CABYR: variants seen among roughly 807,000 people sequenced by gnomAD.
CABYR encodes the protein calcium binding tyrosine phosphorylation regulated.
CABYR carries 31 observed loss-of-function variants against 36.1 expected under a neutral mutation model. That is an observed-to-expected ratio of 0.86 (90% CI 0.64 to 1.16). CABYR has a LOEUF of 1.16. CABYR is among the 50% of genes most tolerant of loss of function. CABYR has a pLI of 0.00. For synonymous variants in CABYR, 146 were observed against 160.7 expected, an observed-to-expected ratio of 0.91 and a Z score of 0.69; for missense variants, 429 against 455.8, an observed-to-expected ratio of 0.94 and a Z score of 0.53.
chr18:24,143,413 G>T lies in CABYR; in HGVS notation c.199G>T (p.Val67Leu). The stretch of plus-strand genomic sequence containing the variant: ...GGTTAAACAATTTCATCAGATTAAA[G>T]GTAAGTACCACAAGTAGTAATAGTT... ...DLVKQFHQIK[V>L]EKWSEGTTPQ... The change falls in exon 3 of 6, where the codon GTA (valine) becomes TTA (leucine). Residue 67 changes from valine to leucine, a missense_variant and splice_region_variant. Coordinates refer to ENST00000399496, the MANE Select transcript of CABYR (RefSeq NM_153769.3). 6.6e-7 allele frequency: 1 copy of T among 1,510,190 alleles called. No individual in the cohort carries two copies. The highest frequency in any genetic ancestry group is 1.2e-5 in the South Asian group (1 of 84,766). The allele number at this position is 1,510,190 out of a possible 1,614,324, so 93.5% of individuals were successfully genotyped here.
chr18:24,143,458 A>G, intron 3 of CABYR, 45 bp downstream of exon 3: 1 of 1,118,652 alleles, frequency 8.9e-7, no homozygotes, highest in Non-Finnish European at 1.3e-6. Flanking sequence ...ATGTTTATTA[A>G]TTATTGCATC....
intron 4 of CABYR, among the ~76,000 whole-genome samples, chr18:24,158,156 G>A (rs2085843614): frequency 6.6e-6 from 1 of 152,100 alleles, no homozygotes; most frequent in Non-Finnish European, 1.5e-5. Flanking sequence ...ACAACACTAA[G>A]AGGATACTAA....
At chr18:24,150,491 C>A in intron 3 of CABYR, 1 of 546,720 alleles carries the variant, frequency 1.8e-6, no homozygotes, top group Non-Finnish European at 2.3e-6. Context: ...CTGCCTGTAT[C>A]CTTAATCAGA....
chr18:24,154,520 T>A (rs1015378498), intron 3 of CABYR, among the ~76,000 whole-genome samples: 2 of 152,252 alleles, frequency 1.3e-5, no homozygotes, highest in Admixed American at 1.3e-4. Context: ...TAATTGAATT[T>A]ATAAAACATC....
In CABYR at chr18:24,155,936, C is replaced by T. The variant is rs1381832652; in HGVS notation, c.435C>T (p.Ala145=). The T allele has an allele frequency of 1.2e-6, 2 of 1,614,036 alleles. No homozygotes were observed. Among genetic ancestry groups the T allele is most frequent in the African/African-American group, 1.3e-5 (1 of 74,926 alleles). The change falls in exon 4 of 6, where the codon GCC becomes GCT. Residue 145 remains alanine (A), a synonymous_variant. Coordinates refer to ENST00000399496, the MANE Select transcript of CABYR (RefSeq NM_153769.3). ...TTGGTGGTCTTTCTTCCAAACCAGC[C>T]ACCCCTAAGACTACTACCCCACCCT... The part of the protein sequence containing the change: ...EAVGGLSSKP[A]TPKTTTPPSS...
At chr18:24,147,487 A>T (rs72881782) in intron 3 of CABYR, among the ~76,000 whole-genome samples, 14,777 of 152,166 alleles carry the variant, frequency 0.097, 1,007 homozygotes, top group Middle Eastern at 0.27. Context: ...AGGCAAACAA[A>T]TTTTTTTAAA....
chr18:24,156,643 C>G (rs1459373400), intron 4 of CABYR: 1 of 1,614,154 alleles, frequency 6.2e-7, no homozygotes, highest in East Asian at 2.2e-5. Flanking sequence ...TATATGGAGG[C>G]AGAAGCAACA....
chr18:24,140,406 C>T (rs906020800), intron 1 of CABYR: 4 of 152,170 alleles, frequency 2.6e-5, no homozygotes, highest in African/African-American at 9.7e-5. Context: ...GGAATCCCCA[C>T]TTCTGATTTT....
At chr18:24,143,025 A>T in intron 1 of CABYR, 66 bp from the exon 2 acceptor site, 1 of 905,002 alleles carries the variant, frequency 1.1e-6, no homozygotes, top group Non-Finnish European at 1.5e-6. Context: ...AGAGTCTCAA[A>T]AAAAAAAAAA....
chr18:24,158,046 C>T (rs1241778721), intron 4 of CABYR, among the ~76,000 whole-genome samples: 5 of 152,166 alleles, frequency 3.3e-5, no homozygotes, highest in Non-Finnish European at 5.9e-5. Context: ...GGGAGTGGAG[C>T]GTGTGGGACT....
intron 3 of CABYR, chr18:24,150,772 T>G: frequency 9.7e-6 from 1 of 102,582 alleles, no homozygotes; most frequent in Admixed American, 1.4e-4. Context: ...TTTTTTGTTT[T>G]TTTGTTTTTT....
At chr18:24,144,156 C>A (rs1319676173) in intron 3 of CABYR, among the ~76,000 whole-genome samples, 2 of 152,108 alleles carry the variant, frequency 1.3e-5, no homozygotes, top group African/African-American at 4.8e-5. Flanking sequence ...CCTCAACCTC[C>A]CAAAGTGCTG....
chr18:24,160,112 G>GC, intron 5 of CABYR, 43 bp downstream of exon 5: 1 of 1,324,512 alleles, frequency 7.5e-7, no homozygotes, highest in Non-Finnish European at 1.1e-6. Flanking sequence ...CTTAACACAC[G>GC]CGCGTTTTAA....
chr18:24,159,851 A>G lies in CABYR; in HGVS notation c.921A>G (p.Lys307=), dbSNP rs933369783. Residue 307 remains lysine, a synonymous_variant, in exon 5 of 6, where the codon AAA becomes AAG. Coordinates refer to ENST00000399496, the MANE Select transcript of CABYR (RefSeq NM_153769.3). ...TTCCTGCAGATGAGAAATACCAGAAACATACCCTAAGTCCCCAGAATGCTA... is the reference window on the plus strand; with the variant it reads ...TTCCTGCAGATGAGAAATACCAGAAGCATACCCTAAGTCCCCAGAATGCTA... The part of the protein sequence containing the change: ...IAVPADEKYQ[K]HTLSPQNANP... 1.2e-5 allele frequency: 20 copies of G among 1,614,044 alleles called. No individual in the cohort carries two copies. In the African/African-American group the frequency reaches 2.0e-4, roughly 16 times the overall value.
At chr18:24,143,639 C>A (rs1409975623) in intron 3 of CABYR, among the ~76,000 whole-genome samples, 1 of 149,942 alleles carries the variant, frequency 6.7e-6, no homozygotes, top group African/African-American at 2.5e-5. Flanking sequence ...CTCAAGGGAT[C>A]CTCCTGTCTT....
chr18:24,156,523 G>A (rs748497333), intron 4 of CABYR: 7 of 1,613,986 alleles, frequency 4.3e-6, no homozygotes, highest in South Asian at 3.3e-5. Flanking sequence ...CAGTCACCAC[G>A]AGTTAGTCCC....
At chr18:24,159,331 TGCAGCCCTCTCTATA>T in intron 4 of CABYR, 126 bp from the exon 5 acceptor site, 1 of 654,476 alleles carries the variant, frequency 1.5e-6, no homozygotes, top group Non-Finnish European at 2.7e-6. Flanking sequence ...AACACGATTA[TGCAGCCCTCTCTATA>T]GCATGCTCTA....
chr18:24,148,987 C>A (rs1173274158), intron 3 of CABYR, among the ~76,000 whole-genome samples: 3 of 152,150 alleles, frequency 2.0e-5, no homozygotes, highest in South Asian at 4.1e-4. Flanking sequence ...TTATCTGGCC[C>A]CACCCACATC....
chr18:24,141,824 G>A (rs1296518528), intron 1 of CABYR, among the ~76,000 whole-genome samples: 1 of 152,176 alleles, frequency 6.6e-6, no homozygotes, highest in African/African-American at 2.4e-5. Flanking sequence ...TTAAAAGGCA[G>A]AAAGGCAGAA....
Sources: allele counts gnomAD v4.1 joint callset (sites outside exome capture counted in the v4.1 genomes callset), GRCh38; gene constraint gnomAD v4.1.1; transcripts MANE v1.5; gene names NCBI Gene and HGNC (gene_info 2026-07-23, HGNC 2026-07-21).